The following KCNA2 variants were observed in gnomAD, a reference collection of about 807,000 sequenced individuals.
KCNA2 encodes potassium voltage-gated channel subfamily A member 2, also known as potassium channel, voltage gated shaker related subfamily A, member 2.
A neutral mutation model predicts 33.4 loss-of-function variants in KCNA2; 11 were observed. The observed-to-expected ratio is 0.33, with a 90% CI of 0.21 to 0.55. The LOEUF (loss-of-function observed/expected upper bound fraction) is 0.55, where lower values mean the gene tolerates loss of function less well. Among genes scored for constraint, KCNA2 ranks in the 20% least tolerant of loss-of-function variants. The pLI, the probability that KCNA2 is intolerant of heterozygous loss-of-function variation, is 0.93. For missense variants in KCNA2, 291 were observed against 621.6 expected, an observed-to-expected ratio of 0.47 and a Z score of 5.66; for synonymous variants, 222 against 231.3, an observed-to-expected ratio of 0.96 and a Z score of 0.37.
intron 1 of KCNA2, among the ~76,000 whole-genome samples, chr1:110,618,197 A>G (rs1236679682): frequency 6.6e-6 from 1 of 152,170 alleles, no homozygotes; most frequent in Non-Finnish European, 1.5e-5. Flanking sequence ...ATTTAAAAAA[A>G]TTATCTGGGC....
intron 1 of KCNA2, among the ~76,000 whole-genome samples, chr1:110,621,123 G>A (rs1650247261): frequency 6.6e-6 from 1 of 152,226 alleles, no homozygotes. Context: ...CCTGGGTGCG[G>A]ATACTGGCTT....
chr1:110,606,851 T>C (rs1649662536), upstream of KCNA2: 1 of 152,256 alleles, frequency 6.6e-6, no homozygotes, highest in African/African-American at 2.4e-5. Context: ...AGCAAAGCCG[T>C]TTGTTATTCT....
At position 110,602,240 on chromosome 1, in the gene KCNA2, T is replaced by C; in HGVS notation, c.*1043A>G. 6.5e-7 allele frequency: 1 copy of C among 1,537,242 alleles called. No individual in the cohort carries two copies. The highest frequency in any genetic ancestry group is 8.8e-7 in the Non-Finnish European group (1 of 1,140,866). On this transcript the variant is annotated 3_prime_UTR_variant, in exon 3 of 3. Transcript: ENST00000316361. ...TTAGTTCCATTCCAAATAGTCTATT[T>C]TTTTTCCCCTGATGGAGGGATTTTT...
At chr1:110,630,263 C>T (rs991129798) in intron 1 of KCNA2, among the ~76,000 whole-genome samples, 8 of 152,018 alleles carry the variant, frequency 5.3e-5, no homozygotes, top group Non-Finnish European at 5.9e-5. Context: ...TCAGGTGATC[C>T]GCCCACCTCG....
chr1:110,609,967 C>A (rs1649814061), upstream of KCNA2, among the ~76,000 whole-genome samples: 1 of 152,212 alleles, frequency 6.6e-6, no homozygotes, highest in African/African-American at 2.4e-5. Context: ...GTAGTAAGGA[C>A]AAAATTAGCT....
intron 1 of KCNA2, among the ~76,000 whole-genome samples, chr1:110,612,215 TG>T (rs1649897212): frequency 6.6e-6 from 1 of 152,142 alleles, no homozygotes; most frequent in African/African-American, 2.4e-5. Flanking sequence ...CACCTAACGA[TG>T]GAGACACATC....
At chr1:110,620,247 G>C (rs554744748) in intron 1 of KCNA2, among the ~76,000 whole-genome samples, 1 of 152,250 alleles carries the variant, frequency 6.6e-6, no homozygotes, top group Non-Finnish European at 1.5e-5. Context: ...AGGCAGGTTA[G>C]CCTTGGAGGC....
At chr1:110,618,629 C>T (rs930872668) in intron 1 of KCNA2, among the ~76,000 whole-genome samples, 3 of 152,024 alleles carry the variant, frequency 2.0e-5, no homozygotes, top group African/African-American at 2.4e-5. Flanking sequence ...TCAGGTGCAC[C>T]GAACATCATG....
At chr1:110,627,755 A>T (rs1401113560) in intron 1 of KCNA2, among the ~76,000 whole-genome samples, 3 of 152,096 alleles carry the variant, frequency 2.0e-5, no homozygotes, top group Non-Finnish European at 2.9e-5. Flanking sequence ...CCTTGAGCCC[A>T]GAAGTTCGAG....
Position 110,600,235 on chromosome 1 carries a change from T to C in KCNA2, c.*3048A>G. ...GTGCGATATTTTTGGGCATGTGTGC[T>C]ATGTATCTTGTATGCCTATTATAAG... On this transcript the variant is annotated 3_prime_UTR_variant, in exon 3 of 3. Transcript: ENST00000316361. 9.2e-6 allele frequency: 9 copies of C among 982,238 alleles called. No individual in the cohort carries two copies. The highest frequency in any genetic ancestry group is 1.1e-5 in the Non-Finnish European group (9 of 829,432). The allele number at this position is 982,238 out of a possible 1,614,324, so 60.8% of individuals were successfully genotyped here.
At chr1:110,620,393 T>C (rs1161017357) in intron 1 of KCNA2, among the ~76,000 whole-genome samples, 2 of 152,144 alleles carry the variant, frequency 1.3e-5, no homozygotes, top group Admixed American at 6.5e-5. Context: ...CTACTGTGAT[T>C]GGTGGGAACG....
intron 1 of KCNA2, among the ~76,000 whole-genome samples, chr1:110,623,115 T>A (rs116713483): frequency 1.3e-3 from 191 of 152,324 alleles, no homozygotes; most frequent in African/African-American, 4.4e-3. Context: ...GGTGTCAAGA[T>A]AGACAAATAG....
chr1:110,615,367 G>A lies in KCNA2; in HGVS notation c.-495-9645C>T, dbSNP rs369829851. On this transcript the variant is annotated intron_variant, in intron 1 of 4. Coordinates refer to the KCNA2 transcript ENST00000369770. Reference sequence around the variant, plus strand: ...GGACAGGCAGTGGGGCTTGCCCTGGGAACTCAAATCTGAGGCTCTGGAGTG... The same window carrying A: ...GGACAGGCAGTGGGGCTTGCCCTGGAAACTCAAATCTGAGGCTCTGGAGTG... Among the ~76,000 whole-genome samples, 5 of 152,310 alleles carry A rather than the reference G, an allele frequency of 3.3e-5. No homozygotes were observed. In the South Asian group the frequency reaches 1.0e-3, roughly 32 times the overall value.
chr1:110,597,166 C>A lies in KCNA2; in HGVS notation c.*6117G>T. On this transcript the variant is annotated 3_prime_UTR_variant, in exon 3 of 3. Transcript: ENST00000316361. ...TGAAAGAGAGTCAGAGGGCAATTCC[C>A]AAATCTGCCCAGGCTACTGATCCCA... 1.0e-6 allele frequency: 1 copy of A among 985,398 alleles called. No individual in the cohort carries two copies. Among genetic ancestry groups the A allele is most frequent in the Non-Finnish European group, 1.2e-6 (1 of 829,936 alleles). The allele number at this position is 985,398 out of a possible 1,614,324, so 61.0% of individuals were successfully genotyped here.
At chr1:110,622,700 C>A (rs1453546580) in intron 1 of KCNA2, among the ~76,000 whole-genome samples, 2 of 151,978 alleles carry the variant, frequency 1.3e-5, no homozygotes, top group South Asian at 2.1e-4. Flanking sequence ...ATACAACAAA[C>A]AATTATAAAT....
chr1:110,609,860 CTAGCTG>C (rs1649810288), upstream of KCNA2, among the ~76,000 whole-genome samples: 1 of 152,198 alleles, frequency 6.6e-6, no homozygotes, highest in Admixed American at 6.5e-5. Flanking sequence ...CTAACACTTG[CTAGCTG>C]TATGAACTTG....
At chr1:110,628,990 T>C (rs1650474845) in intron 1 of KCNA2, among the ~76,000 whole-genome samples, 1 of 152,216 alleles carries the variant, frequency 6.6e-6, no homozygotes. Flanking sequence ...TACCTCTTTC[T>C]TGGCAGCAAG....
At chr1:110,609,902 C>T (rs138983621), upstream of KCNA2, among the ~76,000 whole-genome samples, 350 of 152,332 alleles carry the variant, frequency 2.3e-3, 2 homozygotes, top group African/African-American at 7.9e-3. Context: ...CTCTCTGAGC[C>T]TCCTACTGTT....
chr1:110,603,241 G>A lies in KCNA2; in HGVS notation c.*42C>T. ...CAATGCAGGCTATTATGCAACATCTGCATTAGTTCCATTGAGCTGTGAGTA... is the reference window on the plus strand; with the variant it reads ...CAATGCAGGCTATTATGCAACATCTACATTAGTTCCATTGAGCTGTGAGTA... On this transcript the variant is annotated 3_prime_UTR_variant, in exon 3 of 3. Transcript: ENST00000316361. This position sits in a 1 kb window ranked among gnomAD's most constrained non-coding sequence, Gnocchi z 5.7. 2 of 1,560,948 alleles carry A rather than the reference G, an allele frequency of 1.3e-6. No individual in the cohort carries two copies. Among genetic ancestry groups the A allele is most frequent in the Non-Finnish European group, 1.7e-6 (2 of 1,154,920 alleles).
Sources: gnomAD v4.1 joint callset for allele counts (sites outside exome capture counted in the v4.1 genomes callset) on GRCh38, gnomAD v4.1.1 for gene constraint, Gnocchi (gnomAD v3.1) non-coding constraint, MANE v1.5 for transcripts, NCBI Gene and HGNC (gene_info 2026-07-23, HGNC 2026-07-21) for gene names.